The following RIMS2 variants were observed in gnomAD, a reference collection of about 807,000 sequenced individuals.
RIMS2 encodes regulating synaptic membrane exocytosis protein 2.
Under a neutral mutation model 174.4 loss-of-function variants are expected in RIMS2, and 59 were observed. The ratio of observed to expected loss-of-function variants is 0.34; its 90% CI spans 0.27 to 0.42. The LOEUF (loss-of-function observed/expected upper bound fraction) is 0.42. Among genes scored for constraint, RIMS2 ranks in the 10% least tolerant of loss-of-function variants. The probability of loss-of-function intolerance (pLI) is 1.00; values close to 1 mark genes in which losing one functional copy is unlikely to be tolerated. For synonymous variants in RIMS2, 606 were observed against 572.5 expected (o/e 1.06, Z -0.84); for missense variants, 1,620 against 1,666.3 (o/e 0.97, Z 0.48).
intron 19 of RIMS2, among the ~76,000 whole-genome samples, chr8:104,060,368 G>A (rs1160814149): frequency 2.6e-5 from 4 of 151,514 alleles, no homozygotes; most frequent in African/African-American, 9.7e-5. Context: ...AGAGTTGTTT[G>A]TAGTATTCTC....
intron 3 of RIMS2, among the ~76,000 whole-genome samples, chr8:103,815,557 C>G (rs2098713405): frequency 6.6e-6 from 1 of 152,128 alleles, no homozygotes; most frequent in South Asian, 2.1e-4. Flanking sequence ...GTTAATGTCT[C>G]TCTGCTGGAC....
At chr8:104,132,856 G>A (rs922393274) in intron 19 of RIMS2, among the ~76,000 whole-genome samples, 7 of 152,248 alleles carry the variant, frequency 4.6e-5, no homozygotes, top group Middle Eastern at 3.4e-3. Flanking sequence ...TTCTCAAAAT[G>A]TGCTTGCTGG....
At chr8:103,601,511 G>A (rs1303804468) in intron 1 of RIMS2, among the ~76,000 whole-genome samples, 1 of 151,744 alleles carries the variant, frequency 6.6e-6, no homozygotes, top group Non-Finnish European at 1.5e-5. Context: ...GTTTCCATTG[G>A]CATGGAATAT....
intron 19 of RIMS2, among the ~76,000 whole-genome samples, chr8:104,122,841 A>G (rs1468355310): frequency 6.6e-6 from 1 of 152,146 alleles, no homozygotes; most frequent in Non-Finnish European, 1.5e-5. Flanking sequence ...TCAAATGTTT[A>G]CATTTTCTAT....
At chr8:103,680,697 A>AT (rs1307205410) in intron 1 of RIMS2, among the ~76,000 whole-genome samples, 1 of 152,040 alleles carries the variant, frequency 6.6e-6, no homozygotes, top group African/African-American at 2.4e-5. Context: ...CCAGTAAAGG[A>AT]TATGAATAGG....
intron 1 of RIMS2, among the ~76,000 whole-genome samples, chr8:103,598,270 A>C (rs2094553629): frequency 1.3e-5 from 2 of 152,154 alleles, no homozygotes; most frequent in African/African-American, 4.8e-5. Flanking sequence ...AATTTAGTAA[A>C]ACTACTATAA....
At chr8:103,911,090 G>T (rs954665029) in intron 5 of RIMS2, among the ~76,000 whole-genome samples, 5 of 151,988 alleles carry the variant, frequency 3.3e-5, no homozygotes, top group African/African-American at 1.2e-4. Context: ...ATTTATCATT[G>T]TTGCTCTTAG....
intron 19 of RIMS2, chr8:104,093,485 GGA>G: frequency 6.3e-7 from 1 of 1,595,868 alleles, no homozygotes; most frequent in Non-Finnish European, 8.5e-7. Flanking sequence ...GATCAGGATG[GGA>G]TCCTCATAGA....
intron 1 of RIMS2, among the ~76,000 whole-genome samples, chr8:103,517,404 A>G (rs1829505515): frequency 6.6e-6 from 1 of 152,174 alleles, no homozygotes; most frequent in African/African-American, 2.4e-5. Flanking sequence ...GAAGATGGAA[A>G]GAAGGGATGG....
chr8:104,181,951 G>A (rs116932100), intron 19 of RIMS2, among the ~76,000 whole-genome samples: 94 of 151,824 alleles, frequency 6.2e-4, no homozygotes, highest in Middle Eastern at 3.6e-3. Context: ...TGTAGTTTGA[G>A]AATGGTAAAA....
intron 19 of RIMS2, among the ~76,000 whole-genome samples, chr8:104,035,734 T>C (rs1288378979): frequency 2.0e-5 from 3 of 152,104 alleles, no homozygotes; most frequent in Non-Finnish European, 4.4e-5. Context: ...ACATCAGTCT[T>C]CTTATTAAAT....
intron 19 of RIMS2, chr8:104,015,514 G>T: frequency 1.6e-6 from 1 of 619,948 alleles, no homozygotes; most frequent in East Asian, 2.9e-5. Context: ...GGGCTAGTAA[G>T]CAAAAATAAA....
chr8:104,000,830 A>G (rs752057257), intron 17 of RIMS2, among the ~76,000 whole-genome samples: 99 of 151,926 alleles, frequency 6.5e-4, no homozygotes, highest in African/African-American at 2.0e-3. Context: ...GCATTTTTTT[A>G]TATACCTGTT....
intron 1 of RIMS2, among the ~76,000 whole-genome samples, chr8:103,664,875 C>T (rs948908850): frequency 5.3e-5 from 8 of 152,238 alleles, no homozygotes; most frequent in Middle Eastern, 3.4e-3. Flanking sequence ...TGGAACCAAC[C>T]CAAATGTCCA....
chr8:104,109,560 G>T (rs547801357), intron 19 of RIMS2, among the ~76,000 whole-genome samples: 1 of 152,006 alleles, frequency 6.6e-6, no homozygotes, highest in Non-Finnish European at 1.5e-5. Flanking sequence ...ACACTTTCTG[G>T]CACATGACAA....
intron 3 of RIMS2, among the ~76,000 whole-genome samples, chr8:103,826,711 ATACATATATATAC>A (rs2098793217): frequency 6.7e-6 from 1 of 149,506 alleles, no homozygotes; most frequent in Non-Finnish European, 1.5e-5. Flanking sequence ...TATATATTAT[ATACATATATATAC>A]TCTCTGTCAC....
chr8:103,885,860 C>T (rs886110881), exon 4 of RIMS2: 1 of 1,612,842 alleles, frequency 6.2e-7, no homozygotes, highest in Non-Finnish European at 8.5e-7. Flanking sequence ...GGCTCAGGGA[C>T]CAAGTTCTTA....
At chr8:103,675,374 G>A (rs2096795368) in intron 1 of RIMS2, among the ~76,000 whole-genome samples, 1 of 151,308 alleles carries the variant, frequency 6.6e-6, no homozygotes, top group Admixed American at 6.6e-5. Flanking sequence ...AGCTGTGAAA[G>A]TGATTCCTGT....
intron 1 of RIMS2, among the ~76,000 whole-genome samples, chr8:103,576,530 T>C (rs1280010253): frequency 6.6e-6 from 1 of 152,144 alleles, no homozygotes; most frequent in Non-Finnish European, 1.5e-5. Flanking sequence ...ATGTGAACTC[T>C]CTTAAGAATT....
Sources: gnomAD v4.1 joint callset for allele counts (sites outside exome capture counted in the v4.1 genomes callset) on GRCh38, gnomAD v4.1.1 for gene constraint, MANE v1.5 for transcripts, NCBI Gene and HGNC (gene_info 2026-07-23, HGNC 2026-07-21) for gene names.